The following CASP8 variants were observed in gnomAD, a reference collection of about 807,000 sequenced individuals.
CASP8 encodes caspase 8, also known as caspase-8.
A neutral mutation model predicts 46.3 loss-of-function variants in CASP8; 24 were observed. That is an observed-to-expected ratio of 0.52 (90% CI 0.38 to 0.73). The LOEUF (loss-of-function observed/expected upper bound fraction) is 0.73, where lower values mean the gene tolerates loss of function less well. Ranked by LOEUF, CASP8 falls within the 30% of genes least tolerant of loss-of-function variation. The pLI is 0.00. For missense variants in CASP8, 460 were observed against 559.0 expected, an observed-to-expected ratio of 0.82 and a Z score of 1.79; for synonymous variants, 188 against 200.4, an observed-to-expected ratio of 0.94 and a Z score of 0.52.
intron 1 of CASP8, among the ~76,000 whole-genome samples, chr2:201,265,582 T>A (rs2125138667): frequency 6.6e-6 from 1 of 152,162 alleles, no homozygotes; most frequent in African/African-American, 2.4e-5. Flanking sequence ...GAATGTTAAT[T>A]CCAAGTTGGA....
At chr2:201,247,838 G>A (rs10192461) in intron 2 of CASP8, among the ~76,000 whole-genome samples, 26,689 of 152,078 alleles carry the variant, frequency 0.18, 3,465 homozygotes, top group African/African-American at 0.37. Context: ...TGGAGACAGC[G>A]TTTCACTGTT....
At position 201,285,145 on chromosome 2, in the gene CASP8, C is replaced by G. The variant is rs1164535571; in HGVS notation, c.1132C>G (p.Gln378Glu). 6.2e-7 allele frequency: 1 copy of G among 1,614,176 alleles called. No homozygotes were observed. The change falls in exon 8 of 9, where the codon CAA becomes GAA. Residue 378 changes from glutamine to glutamate, a missense_variant. Coordinates refer to ENST00000673742, the MANE Select transcript of CASP8 (RefSeq NM_001372051.1). ...ACCTGTTGAGACTGATTCAGAGGAGCAACCCTATTTAGAAATGGATTTATC... is the reference window on the plus strand; with the variant it reads ...ACCTGTTGAGACTGATTCAGAGGAGGAACCCTATTTAGAAATGGATTTATC... ...GIPVETDSEE[Q>E]PYLEMDLSSP...
intron 2 of CASP8, among the ~76,000 whole-genome samples, chr2:201,254,038 A>C (rs978529277): frequency 6.7e-6 from 1 of 150,078 alleles, no homozygotes. Flanking sequence ...CCGAGATTGC[A>C]CCATTGCACT....
rs1442402662 is a variant in CASP8, at chr2:201,282,084, C to T, written c.803-2732C>T. ...TTTTCCTAGGCAGAGGACCCTGCGG[C>T]CTTCCGCAGTGTTTGTGTCCCTGGG... On this transcript the variant is annotated intron_variant, in intron 7 of 8. Coordinates refer to ENST00000673742, the MANE Select transcript of CASP8 (RefSeq NM_001372051.1). 1.0e-4 allele frequency among the ~76,000 whole-genome samples: 7 copies of T among 68,186 alleles called. 1 individual carries two copies. In the East Asian group the frequency reaches 1.9e-3, roughly 19 times the overall value. The allele number at this position is 68,186 out of a possible 152,430, so 44.7% of individuals were successfully genotyped here. A position where few individuals can be genotyped will look rare whatever the true frequency, so the allele number is the denominator to read the frequency against.
At position 201,266,868 on chromosome 2, in the gene CASP8, T is replaced by C; in HGVS notation, c.305+77T>C. On this transcript the variant is annotated intron_variant, in intron 2 of 8. Coordinates refer to ENST00000673742, the MANE Select transcript of CASP8 (RefSeq NM_001372051.1). This position sits in a 1 kb window ranked among gnomAD's most constrained non-coding sequence, Gnocchi z 5.7. ...CCTCTGAGCTGATTGGGGCTTTTTT[T>C]TGTGGTACCCTGCCTAGTGCCTGGG... The C allele has an allele frequency of 2.7e-6, 3 of 1,095,048 alleles. No homozygotes were observed. Among genetic ancestry groups the C allele is most frequent in the Non-Finnish European group, 4.0e-6 (3 of 759,252 alleles). The allele number at this position is 1,095,048 out of a possible 1,614,324, so 67.8% of individuals were successfully genotyped here.
chr2:201,245,235 G>A (rs1946459494), intron 2 of CASP8, among the ~76,000 whole-genome samples: 1 of 151,704 alleles, frequency 6.6e-6, no homozygotes, highest in African/African-American at 2.4e-5. Context: ...TCACAAGGAG[G>A]TTTTTTATTT....
chr2:201,283,056 T>C (rs1460275260), intron 7 of CASP8, among the ~76,000 whole-genome samples: 88 of 10,390 alleles, frequency 8.5e-3, no homozygotes, highest in African/African-American at 0.011. Context: ...TGACCCCCCC[T>C]CCCCCCTCCC....
At chr2:201,251,878 C>G (rs539830525) in intron 2 of CASP8, among the ~76,000 whole-genome samples, 1 of 151,954 alleles carries the variant, frequency 6.6e-6, no homozygotes, top group East Asian at 1.9e-4. Context: ...GCACTCCAGC[C>G]TGGGAGACAG....
intron 6 of CASP8, among the ~76,000 whole-genome samples, chr2:201,275,249 C>T (rs1182819417): frequency 1.3e-5 from 2 of 151,972 alleles, no homozygotes; most frequent in Non-Finnish European, 2.9e-5. Context: ...CTTCTAGCAG[C>T]CGTGCCAGCC....
chr2:201,267,462 A>T (rs1459690446), intron 2 of CASP8, among the ~76,000 whole-genome samples: 7 of 152,272 alleles, frequency 4.6e-5, no homozygotes, highest in Middle Eastern at 3.4e-3. Flanking sequence ...GAGGCTGCCC[A>T]GTTCCTGTGA....
chr2:201,247,707 C>T (rs1015723822), intron 2 of CASP8, among the ~76,000 whole-genome samples: 41 of 148,596 alleles, frequency 2.8e-4, no homozygotes, highest in African/African-American at 7.7e-4. Flanking sequence ...TGCAGTGGTG[C>T]GATCTCGGCT....
At chr2:201,286,025 A>G (rs1055248916) in intron 8 of CASP8, among the ~76,000 whole-genome samples, 3 of 152,224 alleles carry the variant, frequency 2.0e-5, no homozygotes, top group African/African-American at 7.2e-5. Flanking sequence ...TGGTGAGAAG[A>G]AGGTGGGAGT....
At chr2:201,279,728 G>A (rs1015222247) in intron 7 of CASP8, among the ~76,000 whole-genome samples, 1 of 152,210 alleles carries the variant, frequency 6.6e-6, no homozygotes, top group Non-Finnish European at 1.5e-5. Context: ...CGAGGCAGGC[G>A]AATCGCCTGA....
rs185642411 is a variant in CASP8 at position 201,239,181 on chromosome 2, A to C, written c.-27+5069A>C. Among the ~76,000 whole-genome samples, 60 of 152,358 alleles carry C rather than the reference A, an allele frequency of 3.9e-4. 1 individual carries two copies. In the East Asian group the frequency reaches 9.8e-3, roughly 25 times the overall value. On this transcript the variant is annotated intron_variant, in intron 2 of 6. Transcript: ENST00000264274. ...CATGTCTACCTCTCTCTACACAGAC[A>C]CGGCAACCATCCAATTTCTCAATCT...
intron 2 of CASP8, among the ~76,000 whole-genome samples, chr2:201,252,935 G>A (rs1946850610): frequency 6.6e-6 from 1 of 152,176 alleles, no homozygotes; most frequent in Non-Finnish European, 1.5e-5. Flanking sequence ...AAAGTGAGGA[G>A]TGAAACCTAA....
chr2:201,240,595 C>G (rs1946257732), intron 2 of CASP8: 1 of 152,206 alleles, frequency 6.6e-6, no homozygotes, highest in Non-Finnish European at 1.5e-5. Context: ...GACTTCAACA[C>G]TGTACTTTAA....
chr2:201,262,535 T>C (rs563489893), intron 1 of CASP8, among the ~76,000 whole-genome samples: 1 of 152,206 alleles, frequency 6.6e-6, no homozygotes, highest in South Asian at 2.1e-4. Context: ...ATGTTATATA[T>C]ACATGTGGAA....
intron 2 of CASP8, among the ~76,000 whole-genome samples, chr2:201,246,161 G>A (rs1380818092): frequency 1.3e-5 from 2 of 152,318 alleles, no homozygotes; most frequent in East Asian, 3.9e-4. Flanking sequence ...ACTGGGCCCA[G>A]CCATTTGTTC....
chr2:201,259,568 C>G (rs1947240767), upstream of CASP8, among the ~76,000 whole-genome samples: 1 of 152,170 alleles, frequency 6.6e-6, no homozygotes, highest in South Asian at 2.1e-4. Context: ...CTATGAGTCC[C>G]TACCCTCTGA....
Sources: allele counts gnomAD v4.1 joint callset (sites outside exome capture counted in the v4.1 genomes callset), GRCh38; gene constraint gnomAD v4.1.1; non-coding constraint Gnocchi (gnomAD v3.1); transcripts MANE v1.5; gene names NCBI Gene and HGNC (gene_info 2026-07-23, HGNC 2026-07-21).